The following CTTNBP2 variants were observed in gnomAD, a reference collection of about 807,000 sequenced individuals.
CTTNBP2 encodes the protein cortactin binding protein 2, also known as cortactin-binding protein 2.
In CTTNBP2, 108 loss-of-function variants were observed where a neutral mutation model predicts 156.9. The observed-to-expected ratio is 0.69, with a 90% CI of 0.59 to 0.81. The LOEUF is 0.81. Ranked by LOEUF, CTTNBP2 falls within the 30% of genes least tolerant of loss-of-function variation. The probability of loss-of-function intolerance (pLI) is 0.00; values close to 1 mark genes in which losing one functional copy is unlikely to be tolerated. For synonymous variants in CTTNBP2, 767 were observed against 751.8 expected, an observed-to-expected ratio of 1.02 and a Z score of -0.33; for missense variants, 1,924 against 2,035.4, an observed-to-expected ratio of 0.95 and a Z score of 1.05.
rs1036899792 is a variant in CTTNBP2 at position 117,851,795 on chromosome 7, T to C, written c.189+9414A>G. ...GTAGCCAAGCAGACATGATGGAAGG[T>C]TGCTTCTCAGTTATGCCAGTCAAGT... On this transcript the variant is annotated intron_variant, in intron 2 of 22. Coordinates refer to ENST00000160373, the MANE Select transcript of CTTNBP2 (RefSeq NM_033427.3). Among the ~76,000 whole-genome samples, 7 of 152,262 alleles carry C rather than the reference T, an allele frequency of 4.6e-5. 1 individual carries two copies. Among genetic ancestry groups the C allele is most frequent in the Admixed American group, 4.6e-4 (7 of 15,288 alleles).
intron 16 of CTTNBP2, among the ~76,000 whole-genome samples, chr7:117,730,823 G>C (rs192059089): frequency 6.6e-6 from 1 of 151,764 alleles, no homozygotes; most frequent in African/African-American, 2.4e-5. Context: ...AATTCGGGGG[G>C]ATGGGGACAG....
chr7:117,837,194 T>C (rs1044613872), intron 2 of CTTNBP2, among the ~76,000 whole-genome samples: 1 of 152,222 alleles, frequency 6.6e-6, no homozygotes, highest in African/African-American at 2.4e-5. Context: ...TGAGCCAATA[T>C]ATCTCTTAGG....
At chr7:117,780,392 T>C (rs1798351959) in intron 7 of CTTNBP2, 49 bp downstream of exon 7, 3 of 1,276,234 alleles carry the variant, frequency 2.4e-6, no homozygotes, top group Non-Finnish European at 3.1e-6. Flanking sequence ...AGTTTACAAA[T>C]ATATTGCAAA....
intron 2 of CTTNBP2, among the ~76,000 whole-genome samples, chr7:117,852,509 A>G (rs911203968): frequency 6.6e-6 from 1 of 152,140 alleles, no homozygotes; most frequent in Non-Finnish European, 1.5e-5. Context: ...GTGCACCAGC[A>G]TGTTCTCTCT....
intron 9 of CTTNBP2, among the ~76,000 whole-genome samples, 184 bp from the exon 10 acceptor site, chr7:117,760,894 C>A (rs1042781513): frequency 1.1e-4 from 16 of 152,154 alleles, no homozygotes; most frequent in Non-Finnish European, 2.9e-5. Context: ...CCAATCTCTT[C>A]AGTTTCTTTG....
chr7:117,756,862 G>A (rs1281043073), intron 11 of CTTNBP2, among the ~76,000 whole-genome samples: 1 of 152,184 alleles, frequency 6.6e-6, no homozygotes, highest in Non-Finnish European at 1.5e-5. Flanking sequence ...GCTCCCAGCT[G>A]TTCCTTCCTC....
intron 3 of CTTNBP2, among the ~76,000 whole-genome samples, chr7:117,797,921 T>A (rs1799412799): frequency 6.6e-6 from 1 of 152,170 alleles, no homozygotes; most frequent in African/African-American, 2.4e-5. Context: ...ATTTACAAAT[T>A]TGATTAAAAA....
chr7:117,739,085 T>C (rs1044931727), intron 14 of CTTNBP2, among the ~76,000 whole-genome samples: 3 of 152,212 alleles, frequency 2.0e-5, no homozygotes, highest in Non-Finnish European at 4.4e-5. Context: ...GCTTGCCTCA[T>C]TGCCTCAGTT....
At position 117,757,868 on chromosome 7, in the gene CTTNBP2, T is replaced by C. The variant is rs1016759712; in HGVS notation, c.3268+7A>G. On this transcript the variant is annotated splice_region_variant and intron_variant, in intron 11 of 22. Coordinates refer to ENST00000160373, the MANE Select transcript of CTTNBP2 (RefSeq NM_033427.3). Reference sequence around the variant, plus strand: ...TTAAACGTCACCTTAGTTAGGGACATCCTTACCTGACAAAAGCACAGTGAT... The same window carrying C: ...TTAAACGTCACCTTAGTTAGGGACACCCTTACCTGACAAAAGCACAGTGAT... 1.3e-6 allele frequency: 2 copies of C among 1,595,992 alleles called. No homozygotes were observed. The highest frequency in any genetic ancestry group is 4.5e-5 in the East Asian group (2 of 44,600).
At position 117,873,377 on chromosome 7, in the gene CTTNBP2, G is replaced by T; in HGVS notation, c.39C>A (p.Ser13=). ...CCCCCGCCGCGTCCTCCGGGGCCCG[G>T]GACAAGTCGGGCTCGCAGCTCGCGC... ...TDGASCEPDL[S]RAPEDAAGAA... Residue 13 remains serine (S), a synonymous_variant, in exon 1 of 23, where the codon TCC becomes TCA. Transcript: ENST00000160373. The T allele has an allele frequency of 6.7e-7, 1 of 1,485,914 alleles. No homozygotes were observed. The highest frequency in any genetic ancestry group is 2.3e-5 in the Admixed American group (1 of 44,426). 92.0% of individuals were successfully genotyped at this position (1,485,914 alleles called of 1,614,324 possible).
At chr7:117,738,688 G>GTGA (rs1795836542) in intron 14 of CTTNBP2, among the ~76,000 whole-genome samples, 1 of 152,164 alleles carries the variant, frequency 6.6e-6, no homozygotes, top group Admixed American at 6.6e-5. Context: ...GGAGGTGGTG[G>GTGA]TGATGGGTTA....
intron 2 of CTTNBP2, among the ~76,000 whole-genome samples, chr7:117,824,572 G>A (rs1584495956): frequency 6.6e-6 from 1 of 152,206 alleles, no homozygotes; most frequent in South Asian, 2.1e-4. Context: ...ATCACACTAT[G>A]TAGGTACTGT....
chr7:117,730,093 G>C (rs1046719011), intron 16 of CTTNBP2, among the ~76,000 whole-genome samples: 1 of 152,116 alleles, frequency 6.6e-6, no homozygotes, highest in Non-Finnish European at 1.5e-5. Flanking sequence ...TCCCCTGAAC[G>C]AATGACTTCA....
intron 22 of CTTNBP2, among the ~76,000 whole-genome samples, chr7:117,714,649 T>C (rs1794242516): frequency 6.6e-6 from 1 of 152,164 alleles, no homozygotes; most frequent in African/African-American, 2.4e-5. Flanking sequence ...TGAAATAAAG[T>C]ACTGAGAAGT....
intron 2 of CTTNBP2, among the ~76,000 whole-genome samples, chr7:117,845,110 A>C (rs1395795853): frequency 6.6e-6 from 1 of 152,096 alleles, no homozygotes; most frequent in Admixed American, 6.5e-5. Flanking sequence ...TGGTGTGGGC[A>C]TGAGGTAGGC....
chr7:117,716,613 C>G (rs1174056143), intron 22 of CTTNBP2, among the ~76,000 whole-genome samples: 1 of 152,178 alleles, frequency 6.6e-6, no homozygotes, highest in Non-Finnish European at 1.5e-5. Context: ...AGGTCACCTT[C>G]TTAGGTCATC....
intron 2 of CTTNBP2, among the ~76,000 whole-genome samples, chr7:117,815,992 T>C (rs553403954): frequency 6.6e-6 from 1 of 152,274 alleles, no homozygotes; most frequent in East Asian, 1.9e-4. Context: ...TGAATAAAGG[T>C]AGCATCTAAC....
intron 2 of CTTNBP2, among the ~76,000 whole-genome samples, chr7:117,814,658 G>A (rs915880551): frequency 2.0e-5 from 3 of 152,126 alleles, no homozygotes; most frequent in Non-Finnish European, 2.9e-5. Flanking sequence ...GAACTCCTAA[G>A]CTCAAGCAAT....
intron 3 of CTTNBP2, among the ~76,000 whole-genome samples, chr7:117,805,893 G>C (rs1799909789): frequency 6.6e-6 from 1 of 152,094 alleles, no homozygotes; most frequent in Non-Finnish European, 1.5e-5. Context: ...AACCACACTA[G>C]AAACTACAAA....
Sources: allele counts gnomAD v4.1 joint callset (sites outside exome capture counted in the v4.1 genomes callset), GRCh38; gene constraint gnomAD v4.1.1; transcripts MANE v1.5; gene names NCBI Gene and HGNC (gene_info 2026-07-23, HGNC 2026-07-21).